NKAIN3: variants seen among roughly 807,000 people sequenced by gnomAD.
NKAIN3 encodes the protein sodium/potassium-transporting ATPase subunit beta-1-interacting protein 3.
NKAIN3 carries 25 observed loss-of-function variants against 30.2 expected under a neutral mutation model. That is an observed-to-expected ratio of 0.83 (90% CI 0.60 to 1.16). The LOEUF (loss-of-function observed/expected upper bound fraction) is 1.16, where lower values mean the gene tolerates loss of function less well. NKAIN3 is among the 50% of genes most tolerant of loss of function. NKAIN3 has a pLI of 0.00. For missense variants in NKAIN3, 225 were observed against 254.1 expected (o/e 0.89, Z 0.78); for synonymous variants, 91 against 89.6 (o/e 1.02, Z -0.09).
In NKAIN3 at chr8:62,849,752, G is replaced by A. The variant is rs370231495; in HGVS notation, c.472-68701G>A. The stretch of plus-strand genomic sequence containing the variant: ...AGTTTGCTGAGAGTGATGGTTTCCA[G>A]CTTCATGCATGTCCCTACAAAGAAC... On this transcript the variant is annotated intron_variant, in intron 4 of 6. Transcript: ENST00000623646. 2.0e-4 allele frequency among the ~76,000 whole-genome samples: 31 copies of A among 151,968 alleles called. No homozygotes were observed. The South Asian group carries it at 6.0e-3, about 30-fold the overall frequency.
In NKAIN3 at chr8:62,965,523, GC is replaced by G. The variant is rs1275628773; in HGVS notation, c.*118del. On this transcript the variant is annotated 3_prime_UTR_variant, in exon 7 of 7. Coordinates refer to ENST00000623646, the MANE Select transcript of NKAIN3 (RefSeq NM_001304533.3). ...CGAATCATGGAGCATTTTGGTCACA[GC>G]CTTTGTATTATTAGCATTGTTCTCT... The G allele has an allele frequency of 2.0e-6, 2 of 984,562 alleles. No homozygotes were observed. The highest frequency in any genetic ancestry group is 2.4e-6 in the Non-Finnish European group (2 of 829,820). The allele number at this position is 984,562 out of a possible 1,614,324, so 61.0% of individuals were successfully genotyped here. A position where few individuals can be genotyped will look rare whatever the true frequency, so the allele number is the denominator to read the frequency against.
intron 1 of NKAIN3, among the ~76,000 whole-genome samples, chr8:62,300,068 A>T (rs941649826): frequency 6.6e-5 from 10 of 152,090 alleles, no homozygotes; most frequent in Admixed American, 2.0e-4. Flanking sequence ...TTCACGTCCT[A>T]TAGTAGCTGT....
intron 1 of NKAIN3, among the ~76,000 whole-genome samples, chr8:62,341,843 T>C (rs1815757268): frequency 6.6e-6 from 1 of 152,166 alleles, no homozygotes; most frequent in Non-Finnish European, 1.5e-5. Flanking sequence ...CCTGCGGAGT[T>C]AGATGACAAA....
chr8:62,975,228 A>T lies in NKAIN3; in HGVS notation c.*9821A>T, dbSNP rs1328702622. Among the ~76,000 whole-genome samples, 1 of 152,086 alleles carries T rather than the reference A, an allele frequency of 6.6e-6. No homozygotes were observed. The highest frequency in any genetic ancestry group is 1.5e-5 in the Non-Finnish European group (1 of 68,020). On this transcript the variant is annotated 3_prime_UTR_variant, in exon 7 of 7. Transcript: ENST00000623646. Reference sequence around the variant, plus strand: ...TTCTACTGTTTGGAATAGTTTCAGAAGGAATGGTACCAGCTCCTCTTTGTA... The same window carrying T: ...TTCTACTGTTTGGAATAGTTTCAGATGGAATGGTACCAGCTCCTCTTTGTA...
chr8:62,746,881 G>A (rs1195048373), intron 3 of NKAIN3, 51 bp from the exon 4 acceptor site: 20 of 1,307,074 alleles, frequency 1.5e-5, no homozygotes, highest in African/African-American at 7.2e-5. Context: ...AGTCAAAGAC[G>A]TGATGTAATA....
At chr8:62,249,249 C>T (rs1235756671) in intron 1 of NKAIN3, 122 bp downstream of exon 1, 5 of 801,626 alleles carry the variant, frequency 6.2e-6, no homozygotes, top group South Asian at 1.9e-5. Context: ...GCGCTCCGCC[C>T]GCCTCCCACC....
At chr8:62,708,933 G>A (rs13253228) in intron 3 of NKAIN3, among the ~76,000 whole-genome samples, 8 of 151,914 alleles carry the variant, frequency 5.3e-5, no homozygotes, top group East Asian at 1.9e-4. Context: ...AATCATAAAG[G>A]GATGCTGGAT....
chr8:62,943,100 C>A (rs1397435629), intron 5 of NKAIN3, among the ~76,000 whole-genome samples: 1 of 152,054 alleles, frequency 6.6e-6, no homozygotes, highest in Non-Finnish European at 1.5e-5. Flanking sequence ...AAGCAGACAA[C>A]CCACAGAGTT....
At chr8:62,901,974 C>T (rs1025051829) in intron 4 of NKAIN3, among the ~76,000 whole-genome samples, 26 of 152,160 alleles carry the variant, frequency 1.7e-4, no homozygotes, top group Admixed American at 9.8e-4. Context: ...AAGTCAGCTG[C>T]TCAGTGAGAA....
chr8:62,881,676 A>G (rs1820986982), intron 4 of NKAIN3, among the ~76,000 whole-genome samples: 1 of 152,230 alleles, frequency 6.6e-6, no homozygotes, highest in Admixed American at 6.5e-5. Context: ...TTTGGCAATT[A>G]TAGATAAAGC....
rs557268563 is a variant in NKAIN3 at position 62,404,663 on chromosome 8, A to G, written c.54+155536A>G. ...CCCCTGCCCTGCAGAACCATAAGTC[A>G]ATTAAACTTCTTTCCTTTATATATT... On this transcript the variant is annotated intron_variant, in intron 1 of 6. Coordinates refer to ENST00000623646, the MANE Select transcript of NKAIN3 (RefSeq NM_001304533.3). Among the ~76,000 whole-genome samples, 9 of 152,258 alleles carry G rather than the reference A, an allele frequency of 5.9e-5. No individual in the cohort carries two copies. In the South Asian group the frequency reaches 1.9e-3, roughly 32 times the overall value.
chr8:62,797,393 T>C (rs1586205396), intron 4 of NKAIN3, among the ~76,000 whole-genome samples: 1 of 152,200 alleles, frequency 6.6e-6, no homozygotes, highest in East Asian at 1.9e-4. Flanking sequence ...AAAAGAATGA[T>C]TCTACCAAAA....
intron 5 of NKAIN3, among the ~76,000 whole-genome samples, chr8:62,995,209 A>C (rs1170882513): frequency 1.3e-5 from 2 of 152,216 alleles, no homozygotes; most frequent in African/African-American, 4.8e-5. Context: ...TATATCTGAG[A>C]GCATTTTAAT....
chr8:62,592,070 C>T (rs1810670343), intron 3 of NKAIN3, among the ~76,000 whole-genome samples: 1 of 152,010 alleles, frequency 6.6e-6, no homozygotes, highest in Admixed American at 6.6e-5. Flanking sequence ...AATATACATT[C>T]TGGGATAGTG....
chr8:62,608,439 G>A (rs772363312), intron 3 of NKAIN3, among the ~76,000 whole-genome samples: 4 of 152,138 alleles, frequency 2.6e-5, no homozygotes, highest in East Asian at 1.9e-4. Flanking sequence ...AAATAAAAAT[G>A]TACATGAATG....
chr8:62,705,211 G>A (rs1432659005), intron 3 of NKAIN3, among the ~76,000 whole-genome samples: 1 of 152,174 alleles, frequency 6.6e-6, no homozygotes, highest in Non-Finnish European at 1.5e-5. Flanking sequence ...ATAAATATGA[G>A]ATTATGAACA....
In NKAIN3 at chr8:62,299,176, T is replaced by A. The variant is rs547152117; in HGVS notation, c.54+50049T>A. Among the ~76,000 whole-genome samples the A allele has an allele frequency of 2.6e-5, 4 of 152,272 alleles. No individual in the cohort carries two copies. The South Asian group carries it at 8.3e-4, about 32-fold the overall frequency. On this transcript the variant is annotated intron_variant, in intron 1 of 6. Coordinates refer to ENST00000623646, the MANE Select transcript of NKAIN3 (RefSeq NM_001304533.3). Reference sequence around the variant, plus strand: ...GTACTTGTAAACAGAAAAAAAAATTTGTTGTTCTATCATTTTTTGCACTTT... The same window carrying A: ...GTACTTGTAAACAGAAAAAAAAATTAGTTGTTCTATCATTTTTTGCACTTT...
chr8:62,781,718 T>G (rs1260026075), intron 4 of NKAIN3, among the ~76,000 whole-genome samples: 2 of 151,910 alleles, frequency 1.3e-5, no homozygotes, highest in Non-Finnish European at 2.9e-5. Flanking sequence ...GATAGCCATA[T>G]GCAGAAGAAT....
intron 1 of NKAIN3, among the ~76,000 whole-genome samples, chr8:62,263,478 A>G (rs1241350525): frequency 6.6e-6 from 1 of 152,144 alleles, no homozygotes; most frequent in African/African-American, 2.4e-5. Flanking sequence ...AATTACGCTG[A>G]TGGGCCATCA....
Sources: gnomAD v4.1 joint callset for allele counts (sites outside exome capture counted in the v4.1 genomes callset) on GRCh38, gnomAD v4.1.1 for gene constraint, MANE v1.5 for transcripts, NCBI Gene and HGNC (gene_info 2026-07-23, HGNC 2026-07-21) for gene names.